Variants in GRIK4 observed in about 807,000 individuals in gnomAD.
GRIK4 encodes the protein glutamate receptor ionotropic, kainate 4.
In GRIK4, 40 loss-of-function variants were observed where a neutral mutation model predicts 104.9. That is an observed-to-expected ratio of 0.38 (90% CI 0.30 to 0.50). GRIK4 has a LOEUF of 0.50. Among genes scored for constraint, GRIK4 ranks in the 20% least tolerant of loss-of-function variants. The pLI is 0.93. For missense variants in GRIK4, 1,047 were observed against 1,308.1 expected (o/e 0.80, Z 3.08); for synonymous variants, 485 against 524.9 (o/e 0.92, Z 1.04).
chr11:120,653,260 G>A (rs1047262611), intron 1 of GRIK4, among the ~76,000 whole-genome samples: 7 of 152,248 alleles, frequency 4.6e-5, no homozygotes, highest in Non-Finnish European at 1.0e-4. Context: ...CATTGAGAGA[G>A]ATGTTAGAGG....
chr11:120,919,929 G>A (rs544113884), intron 13 of GRIK4, among the ~76,000 whole-genome samples: 14 of 152,242 alleles, frequency 9.2e-5, no homozygotes, highest in Admixed American at 7.8e-4. Flanking sequence ...CAGAGATAAG[G>A]AATTAGACAT....
chr11:120,744,423 C>T (rs149653656), intron 3 of GRIK4, among the ~76,000 whole-genome samples: 294 of 152,230 alleles, frequency 1.9e-3, no homozygotes, highest in African/African-American at 6.6e-3. Context: ...GGTTTTAATT[C>T]GTACTAAATA....
intron 12 of GRIK4, among the ~76,000 whole-genome samples, chr11:120,899,107 AAG>A (rs1942663514): frequency 6.6e-6 from 1 of 152,148 alleles, no homozygotes; most frequent in South Asian, 2.1e-4. Flanking sequence ...AGGTGGTAAA[AAG>A]AGAGTTCTCA....
chr11:120,537,177 C>T (rs958955723), intron 1 of GRIK4, among the ~76,000 whole-genome samples: 1 of 152,196 alleles, frequency 6.6e-6, no homozygotes, highest in African/African-American at 2.4e-5. Context: ...GAGAGCCTAG[C>T]TTATTTATGT....
At chr11:120,521,375 A>G (rs1947795541) in intron 1 of GRIK4, among the ~76,000 whole-genome samples, 1 of 152,090 alleles carries the variant, frequency 6.6e-6, no homozygotes, top group Non-Finnish European at 1.5e-5. Flanking sequence ...CCCGGCCCAC[A>G]ATGCCACTTT....
Position 120,555,016 on chromosome 11 carries a change from G to A in GRIK4, c.-159+43129G>A, listed in dbSNP as rs548076695. On this transcript the variant is annotated intron_variant, in intron 1 of 20. Transcript: ENST00000527524. The surrounding 1 kb of genome is among the most constrained non-coding windows in gnomAD (Gnocchi z 5.3). ...AACCACACTCCCACACAGGCATCCC[G>A]TAAAGGTAGTCCATGCGAGTCCACA... Among the ~76,000 whole-genome samples the A allele has an allele frequency of 3.1e-4, 47 of 152,312 alleles. No individual in the cohort carries two copies. The highest frequency in any genetic ancestry group is 5.3e-4 in the Non-Finnish European group (36 of 68,026).
At chr11:120,596,912 A>G (rs1192251190) in intron 1 of GRIK4, among the ~76,000 whole-genome samples, 2 of 152,038 alleles carry the variant, frequency 1.3e-5, no homozygotes, top group Non-Finnish European at 2.9e-5. Flanking sequence ...TTTAGTAGAG[A>G]CAGGGTTTTA....
chr11:120,638,675 C>T (rs557125638), intron 1 of GRIK4, among the ~76,000 whole-genome samples: 1 of 151,816 alleles, frequency 6.6e-6, no homozygotes, highest in South Asian at 2.1e-4. Context: ...GACAGGGTTT[C>T]ACCATGTTAG....
chr11:120,765,428 G>A (rs1233836197), intron 3 of GRIK4, among the ~76,000 whole-genome samples: 3 of 152,014 alleles, frequency 2.0e-5, no homozygotes, highest in African/African-American at 7.2e-5. Flanking sequence ...AGAGGAGTTC[G>A]TTATTACCCA....
At chr11:120,861,764 T>C (rs564340454) in intron 8 of GRIK4, among the ~76,000 whole-genome samples, 195 bp from the exon 9 acceptor site, 16 of 152,246 alleles carry the variant, frequency 1.1e-4, no homozygotes, top group African/African-American at 3.4e-4. Flanking sequence ...CTATTTTTTT[T>C]CTCCTCCATC....
chr11:120,684,390 C>A (rs530563324), intron 3 of GRIK4, among the ~76,000 whole-genome samples: 2 of 152,270 alleles, frequency 1.3e-5, no homozygotes, highest in African/African-American at 4.8e-5. Flanking sequence ...AATTGATGGT[C>A]GGTTGGCCCA....
intron 3 of GRIK4, among the ~76,000 whole-genome samples, chr11:120,782,566 T>C (rs1480573768): frequency 6.6e-6 from 1 of 152,214 alleles, no homozygotes; most frequent in Non-Finnish European, 1.5e-5. Context: ...ATTACAGGCA[T>C]GAGCCACCGC....
intron 3 of GRIK4, among the ~76,000 whole-genome samples, chr11:120,699,610 T>A (rs1324748313): frequency 6.7e-6 from 1 of 150,248 alleles, no homozygotes; most frequent in Non-Finnish European, 1.5e-5. Flanking sequence ...CTGATAAGTA[T>A]TAAAGAGAAA....
intron 3 of GRIK4, among the ~76,000 whole-genome samples, chr11:120,670,654 T>C (rs1398588941): frequency 2.0e-5 from 3 of 152,258 alleles, no homozygotes; most frequent in Non-Finnish European, 2.9e-5. Context: ...CCTCTAGCCC[T>C]GCCTCTGCCC....
chr11:120,954,158 C>T (rs962456780), intron 15 of GRIK4, among the ~76,000 whole-genome samples: 1 of 152,028 alleles, frequency 6.6e-6, no homozygotes, highest in Non-Finnish European at 1.5e-5. Flanking sequence ...AGGGCACTTC[C>T]CAGACTGCCA....
rs77187257 is a variant in GRIK4, at chr11:120,626,811, G to A, written c.-158-26874G>A. Reference sequence around the variant, plus strand: ...TTTCTCCCTTGATCAGGGCTCGTCAGGAGGATGGCATACTCACATATCAAG... The same window carrying A: ...TTTCTCCCTTGATCAGGGCTCGTCAAGAGGATGGCATACTCACATATCAAG... On this transcript the variant is annotated intron_variant, in intron 1 of 20. Transcript: ENST00000527524. 6.2e-4 allele frequency among the ~76,000 whole-genome samples: 94 copies of A among 152,328 alleles called. No individual in the cohort carries two copies. The East Asian group carries it at 0.017, about 28-fold the overall frequency.
chr11:120,973,899 T>C (rs1944517025), intron 19 of GRIK4, among the ~76,000 whole-genome samples: 1 of 126,966 alleles, frequency 7.9e-6, no homozygotes, highest in Non-Finnish European at 1.6e-5. Context: ...CCCAAAGATC[T>C]CTTCCCTTAA....
At chr11:120,618,038 T>G (rs55998330) in intron 1 of GRIK4, among the ~76,000 whole-genome samples, 2,952 of 152,208 alleles carry the variant, frequency 0.019, 90 homozygotes, top group African/African-American at 0.068. Flanking sequence ...GCAGGAAGAT[T>G]TGGAATTTCC....
At chr11:120,797,336 G>A (rs1229405846) in intron 3 of GRIK4, among the ~76,000 whole-genome samples, 1 of 152,140 alleles carries the variant, frequency 6.6e-6, no homozygotes, top group African/African-American at 2.4e-5. Context: ...GGGACTCGGA[G>A]CGTCCCAGCC....
Sources: gnomAD v4.1 joint callset for allele counts (sites outside exome capture counted in the v4.1 genomes callset) on GRCh38, gnomAD v4.1.1 for gene constraint, Gnocchi (gnomAD v3.1) non-coding constraint, MANE v1.5 for transcripts, NCBI Gene and HGNC (gene_info 2026-07-23, HGNC 2026-07-21) for gene names.